The following MRPL55 variants were observed in gnomAD, a reference collection of about 807,000 sequenced individuals.
The protein encoded by MRPL55 is mitochondrial ribosomal protein L55.
Under a neutral mutation model 10.6 loss-of-function variants are expected in MRPL55, and 7 were observed. The ratio of observed to expected loss-of-function variants is 0.66; its 90% CI spans 0.38 to 1.24. The LOEUF (loss-of-function observed/expected upper bound fraction) is 1.24, where lower values mean the gene tolerates loss of function less well. Ranked by LOEUF, MRPL55 falls within the 50% of genes most tolerant of loss-of-function variation. The pLI, the probability that MRPL55 is intolerant of heterozygous loss-of-function variation, is 0.02. For synonymous variants in MRPL55, 57 were observed against 71.8 expected (o/e 0.79, Z 1.04); for missense variants, 148 against 180.3 (o/e 0.82, Z 1.03).
chr1:228,108,525 T>G (rs982161003), intron 2 of MRPL55: 32 of 513,590 alleles, frequency 6.2e-5, no homozygotes, highest in Non-Finnish European at 7.2e-5. Context: ...CCAAAGATTC[T>G]GAGTCAGCCT....
In MRPL55 at chr1:228,109,292, A is replaced by G. The variant is rs975694407; in HGVS notation, c.-269T>C. On this transcript the variant is annotated 5_prime_UTR_variant, in exon 1 of 5. Transcript: ENST00000336520. ...GGGTGCTGCTGCGCTGCAGCCCACG[A>G]CGTCACTGGCAGGCGCTGCGTCGCG... 1.3e-5 allele frequency: 2 copies of G among 152,660 alleles called. No individual in the cohort carries two copies. Among genetic ancestry groups the G allele is most frequent in the Non-Finnish European group, 2.9e-5 (2 of 68,222 alleles). The allele number at this position is 152,660 out of a possible 1,614,324, so 9.5% of individuals were successfully genotyped here.
Position 228,106,735 on chromosome 1 carries a change from T to A in MRPL55, c.*25A>T, listed in dbSNP as rs942249736. 1.3e-6 allele frequency: 2 copies of A among 1,592,750 alleles called. No individual in the cohort carries two copies. The highest frequency in any genetic ancestry group is 1.7e-6 in the Non-Finnish European group (2 of 1,166,138). ...AAGAACAGCCCTCCCATCTTAGCAA[T>A]GTCCCGGGGTGGCTGGAGCCACGGT... On this transcript the variant is annotated 3_prime_UTR_variant, in exon 5 of 5. Transcript: ENST00000336520.
At chr1:228,107,631 G>A in intron 4 of MRPL55, 37 bp downstream of exon 4, 6 of 1,603,112 alleles carry the variant, frequency 3.7e-6, no homozygotes, top group Middle Eastern at 4.0e-4. Flanking sequence ...CTCGACCCCA[G>A]CCCGGCACCT....
In MRPL55 at chr1:228,108,256, G is replaced by A. The variant is rs750575616; in HGVS notation, c.5C>T (p.Ala2Val). 9 of 1,611,154 alleles carry A rather than the reference G, an allele frequency of 5.6e-6. No homozygotes were observed. Among genetic ancestry groups the A allele is most frequent in the East Asian group, 2.2e-5 (1 of 44,850 alleles). Reference sequence around the variant, plus strand: ...TTACCCAAGCAGGCTGCCCACGGCCGCCATTCCTCCTTACAGCCCCAGTGG... The same window carrying A: ...TTACCCAAGCAGGCTGCCCACGGCCACCATTCCTCCTTACAGCCCCAGTGG... The part of the protein sequence containing the change: M[A>V]AVGSLLGRLR... The change falls in exon 3 of 5, where the codon GCG becomes GTG. Residue 2 changes from alanine to valine, a missense_variant. By Grantham distance (64) the Ala-to-Val change is moderately conservative (BLOSUM62 0). Coordinates refer to ENST00000336520, the MANE Select transcript of MRPL55 (RefSeq NM_181463.3).
At chr1:228,106,951 G>A (rs750175451) in intron 4 of MRPL55, 33 bp from the exon 5 acceptor site, 1 of 1,592,196 alleles carries the variant, frequency 6.3e-7, no homozygotes, top group Admixed American at 1.7e-5. Flanking sequence ...CGTCCATGTG[G>A]ATCGAGGGAC....
At chr1:228,108,193 C>T (rs771700664) in intron 3 of MRPL55, 42 bp downstream of exon 3, 1 of 1,598,338 alleles carries the variant, frequency 6.3e-7, no homozygotes, top group African/African-American at 1.3e-5. Context: ...CCTGGGGTGG[C>T]CCCTGACAGT....
At chr1:228,108,527 A>C (rs1034695253) in intron 2 of MRPL55, 11 of 514,016 alleles carry the variant, frequency 2.1e-5, no homozygotes, top group East Asian at 6.4e-5. Context: ...AAAGATTCTG[A>C]GTCAGCCTGC....
intron 3 of MRPL55, 25 bp from the exon 4 acceptor site, chr1:228,107,894 G>C (rs907691852): frequency 2.0e-5 from 32 of 1,611,950 alleles, no homozygotes; most frequent in Non-Finnish European, 2.6e-5. Context: ...TCAAGCTCTG[G>C]TCAGCCGACA....
At chr1:228,108,138 C>G (rs1184505969) in intron 3 of MRPL55, 97 bp downstream of exon 3, 1 of 1,542,126 alleles carries the variant, frequency 6.5e-7, no homozygotes, top group Non-Finnish European at 8.8e-7. Flanking sequence ...ATAGCAAGGA[C>G]TAGGGAGGAT....
At chr1:228,107,642 G>GGA in intron 4 of MRPL55, 26 bp downstream of exon 4, 1 of 1,609,938 alleles carries the variant, frequency 6.2e-7, no homozygotes, top group Admixed American at 1.7e-5. Context: ...CCCGGCACCT[G>GGA]GAAGCACCTG....
In MRPL55 at chr1:228,107,677, G is replaced by A. The variant is rs147638822; in HGVS notation, c.219C>T (p.Arg73=). Residue 73 remains arginine (R), a synonymous_variant, in exon 4 of 5, where the codon CGC becomes CGT. Coordinates refer to ENST00000336520, the MANE Select transcript of MRPL55 (RefSeq NM_181463.3). ...GGAGAGGGAAGCTTACCGCCAGCAT[G>A]CGCCGTGGCTCCCTGTAGCGGATGT... The part of the protein sequence containing the change: ...TIHIRYREPR[R]MLAMPIDLDT... 6 of 1,612,902 alleles carry A rather than the reference G, an allele frequency of 3.7e-6. No individual in the cohort carries two copies. The highest frequency in any genetic ancestry group is 4.2e-6 in the Non-Finnish European group (5 of 1,180,010).
chr1:228,107,607 AC>A (rs1487785298), intron 4 of MRPL55, 60 bp downstream of exon 4: 2 of 1,500,422 alleles, frequency 1.3e-6, no homozygotes, highest in African/African-American at 2.8e-5. Context: ...GGTCACCAGC[AC>A]CCCCACCACA....
Position 228,108,251 on chromosome 1 carries a change from C to T in MRPL55, c.10G>A (p.Val4Met), listed in dbSNP as rs1441405514. Residue 4 changes from valine to methionine, a missense_variant, in exon 3 of 5, where the codon GTG becomes ATG. By Grantham distance (21) the Val-to-Met change is conservative. Transcript: ENST00000336520. The stretch of plus-strand genomic sequence containing the variant: ...CATGCTTACCCAAGCAGGCTGCCCA[C>T]GGCCGCCATTCCTCCTTACAGCCCC... MAA[V>M]GSLLGRLRQS... 6.2e-7 allele frequency: 1 copy of T among 1,611,018 alleles called. No individual in the cohort carries two copies. The highest frequency in any genetic ancestry group is 1.1e-5 in the South Asian group (1 of 90,414).
rs776089641 is a variant in MRPL55, at chr1:228,107,992, G to C, written c.27-123C>G. 1.7e-4 allele frequency: 258 copies of C among 1,546,186 alleles called. No individual in the cohort carries two copies. The highest frequency in any genetic ancestry group is 2.1e-4 in the Non-Finnish European group (244 of 1,143,314). ...GAGACATTACCAGAGCTGGTGACCC[G>C]TGCCGGGGCAGGATGAGCCTCGGGG... On this transcript the variant is annotated intron_variant, in intron 3 of 4. Transcript: ENST00000336520.
chr1:228,109,016 G>C lies in MRPL55; in HGVS notation c.-120C>G, dbSNP rs546551667. Reference sequence around the variant, plus strand: ...CGGGGAAAGCTCCCTCTCCTTTCCTGCTAGACTGCATGGGGACAAGGGCTT... The same window carrying C: ...CGGGGAAAGCTCCCTCTCCTTTCCTCCTAGACTGCATGGGGACAAGGGCTT... On this transcript the variant is annotated 5_prime_UTR_variant, in exon 2 of 5. Coordinates refer to ENST00000336520, the MANE Select transcript of MRPL55 (RefSeq NM_181463.3). The C allele has an allele frequency of 7.4e-4, 113 of 152,758 alleles. 2 individuals are homozygous for C. In the South Asian group the frequency reaches 0.021, roughly 29 times the overall value. The allele number at this position is 152,758 out of a possible 1,614,324, so 9.5% of individuals were successfully genotyped here.
rs1231540218 is a variant in MRPL55 at position 228,106,685 on chromosome 1, T to A, written c.*75A>T. 14 of 1,484,490 alleles carry A rather than the reference T, an allele frequency of 9.4e-6. No individual in the cohort carries two copies. The Admixed American group carries it at 2.5e-4, about 27-fold the overall frequency. 92.0% of individuals were successfully genotyped at this position (1,484,490 alleles called of 1,614,324 possible). A position where few individuals can be genotyped will look rare whatever the true frequency, so the allele number is the denominator to read the frequency against. On this transcript the variant is annotated 3_prime_UTR_variant, in exon 5 of 5. Transcript: ENST00000336520. ...TGGGGAGACAGACACAGACTCCAGG[T>A]GGCAGCTTCAAGAACGAGTGATTTA... is the stretch of plus-strand genomic sequence containing the variant.
At position 228,107,808 on chromosome 1, in the gene MRPL55, A is replaced by G; in HGVS notation, c.88T>C (p.Ser30Pro). ...GPALRRLHTS[S>P]WRADSSRASL... ...GCCCTGCTGCTGTCAGCTCGCCAGG[A>G]GGATGTGTGCAGGCGGCGGAGTGCA... The change falls in exon 4 of 5, where the codon TCC becomes CCC. Residue 30 changes from serine to proline, a missense_variant. Coordinates refer to ENST00000336520, the MANE Select transcript of MRPL55 (RefSeq NM_181463.3). 1 of 1,613,210 alleles carries G rather than the reference A, an allele frequency of 6.2e-7. No homozygotes were observed. The highest frequency in any genetic ancestry group is 2.2e-5 in the East Asian group (1 of 44,886).
chr1:228,108,219 A>C lies in MRPL55; in HGVS notation c.26+16T>G, dbSNP rs1379754281. 1 of 1,578,952 alleles carries C rather than the reference A, an allele frequency of 6.3e-7. No homozygotes were observed. Among genetic ancestry groups the C allele is most frequent in the East Asian group, 2.2e-5 (1 of 44,840 alleles). On this transcript the variant is annotated intron_variant, in intron 3 of 4. Transcript: ENST00000336520. The stretch of plus-strand genomic sequence containing the variant: ...CCCTGACAGTAATCCCCAGGGACCT[A>C]AAAGTCCATGCTTACCCAAGCAGGC...
intron 4 of MRPL55, 142 bp from the exon 5 acceptor site, chr1:228,107,060 C>A (rs2033199719): frequency 1.6e-6 from 1 of 623,612 alleles, no homozygotes; most frequent in Admixed American, 3.0e-5. Flanking sequence ...TGGTCTCTCC[C>A]TTCAAAGCTT....
Sources: allele counts gnomAD v4.1 joint callset, GRCh38; gene constraint gnomAD v4.1.1; transcripts MANE v1.5; gene names NCBI Gene and HGNC (gene_info 2026-07-23, HGNC 2026-07-21).